The following RIMS2 variants were observed in gnomAD, a reference collection of about 807,000 sequenced individuals.
RIMS2 encodes regulating synaptic membrane exocytosis protein 2.
Under a neutral mutation model 174.4 loss-of-function variants are expected in RIMS2, and 59 were observed. The ratio of observed to expected loss-of-function variants is 0.34; its 90% confidence interval spans 0.27 to 0.42. The LOEUF (loss-of-function observed/expected upper bound fraction) is 0.42, where lower values mean the gene tolerates loss of function less well. Among genes scored for constraint, RIMS2 ranks in the 10% least tolerant of loss-of-function variants. RIMS2 has a pLI of 1.00. For synonymous variants in RIMS2, 606 were observed against 572.5 expected, an observed-to-expected ratio of 1.06 and a Z score of -0.84; for missense variants, 1,620 against 1,666.3, an observed-to-expected ratio of 0.97 and a Z score of 0.48.
rs191463841 is a variant in RIMS2 at position 103,619,557 on chromosome 8, A to G, written c.177-77529A>G. Among the ~76,000 whole-genome samples the G allele has an allele frequency of 2.6e-3, 400 of 152,274 alleles. 3 individuals are homozygous for G. The highest frequency in any genetic ancestry group is 8.4e-3 in the African/African-American group (350 of 41,574). On this transcript the variant is annotated intron_variant, in intron 1 of 23. Transcript: ENST00000504942. ...TAAGCAGCAGAAAAAAATCTTCTGC[A>G]TTCAAGGTTGGTAAACAGTGGGGAA...
intron 1 of RIMS2, among the ~76,000 whole-genome samples, chr8:103,530,322 T>C (rs1434802029): frequency 6.6e-6 from 1 of 151,998 alleles, no homozygotes; most frequent in Non-Finnish European, 1.5e-5. Flanking sequence ...TTTAATTAAT[T>C]AAAAAAGACA....
At chr8:103,962,062 T>G (rs1225495058) in intron 15 of RIMS2, among the ~76,000 whole-genome samples, 1 of 152,146 alleles carries the variant, frequency 6.6e-6, no homozygotes, top group Admixed American at 6.5e-5. Flanking sequence ...TTAATTTTTT[T>G]TTCTATTTGT....
intron 19 of RIMS2, among the ~76,000 whole-genome samples, chr8:104,039,566 C>A (rs1308373874): frequency 6.6e-6 from 1 of 151,664 alleles, no homozygotes; most frequent in East Asian, 1.9e-4. Context: ...ACAATAAGAT[C>A]TTTTCTTAGA....
At chr8:103,597,830 C>A (rs1369528388) in intron 1 of RIMS2, among the ~76,000 whole-genome samples, 2 of 151,472 alleles carry the variant, frequency 1.3e-5, no homozygotes, top group Non-Finnish European at 2.9e-5. Context: ...TTTTTTAAAC[C>A]GTGGGTCATG....
chr8:104,032,987 TGTA>T (rs1303789283), intron 19 of RIMS2, among the ~76,000 whole-genome samples: 2 of 151,916 alleles, frequency 1.3e-5, no homozygotes, highest in Non-Finnish European at 2.9e-5. Flanking sequence ...CTATTACAAT[TGTA>T]GTAAGTGCTA....
At chr8:104,090,404 C>A (rs1276586257) in intron 19 of RIMS2, among the ~76,000 whole-genome samples, 1 of 151,590 alleles carries the variant, frequency 6.6e-6, no homozygotes, top group African/African-American at 2.4e-5. Flanking sequence ...TCATGACAGA[C>A]CTAAAAAGAC....
intron 19 of RIMS2, among the ~76,000 whole-genome samples, chr8:104,042,326 G>A (rs910295158): frequency 2.0e-5 from 3 of 151,508 alleles, no homozygotes; most frequent in African/African-American, 4.8e-5. Flanking sequence ...GGCAGAGACC[G>A]ATTTATGAAG....
chr8:103,540,376 T>C (rs1841983188), intron 1 of RIMS2, among the ~76,000 whole-genome samples: 1 of 152,224 alleles, frequency 6.6e-6, no homozygotes, highest in Admixed American at 6.5e-5. Flanking sequence ...TGTTGGCCGC[T>C]GAGGATCCTT....
At chr8:103,510,086 A>C (rs1022563073) in intron 1 of RIMS2, among the ~76,000 whole-genome samples, 1 of 152,170 alleles carries the variant, frequency 6.6e-6, no homozygotes, top group Non-Finnish European at 1.5e-5. Flanking sequence ...TTTTTCTTCC[A>C]ATCAAGCTTA....
At chr8:103,873,229 TA>T (rs2099120957) in intron 3 of RIMS2, among the ~76,000 whole-genome samples, 3 of 152,110 alleles carry the variant, frequency 2.0e-5, no homozygotes, top group Admixed American at 2.0e-4. Context: ...GAAGTGAGCA[TA>T]AGTAGCAATT....
intron 19 of RIMS2, among the ~76,000 whole-genome samples, chr8:104,070,992 C>A (rs999703306): frequency 6.6e-6 from 1 of 152,044 alleles, no homozygotes; most frequent in Admixed American, 6.6e-5. Context: ...TATGTCAACA[C>A]TGAGCTTCTT....
At chr8:103,912,650 C>T (rs2075898676) in intron 6 of RIMS2, among the ~76,000 whole-genome samples, 1 of 151,836 alleles carries the variant, frequency 6.6e-6, no homozygotes, top group African/African-American at 2.4e-5. Context: ...CATATGTGCA[C>T]TTAAGAGAGA....
intron 19 of RIMS2, among the ~76,000 whole-genome samples, chr8:104,227,369 C>A (rs1385963874): frequency 2.0e-5 from 3 of 151,506 alleles, no homozygotes; most frequent in East Asian, 3.9e-4. Context: ...TCACTGAACC[C>A]TTTGAGATAA....
intron 2 of RIMS2, among the ~76,000 whole-genome samples, chr8:103,704,133 C>A (rs569742860): frequency 6.7e-6 from 1 of 149,026 alleles, no homozygotes; most frequent in East Asian, 2.0e-4. Context: ...TCAAATATGG[C>A]CTTTTTTATT....
At chr8:103,781,178 G>C (rs1279705495) in intron 3 of RIMS2, among the ~76,000 whole-genome samples, 1 of 152,194 alleles carries the variant, frequency 6.6e-6, no homozygotes, top group African/African-American at 2.4e-5. Flanking sequence ...TTCCAGGACT[G>C]AGATCCAGTG....
chr8:103,538,285 T>C (rs1245536939), intron 1 of RIMS2, among the ~76,000 whole-genome samples: 1 of 152,222 alleles, frequency 6.6e-6, no homozygotes, highest in Non-Finnish European at 1.5e-5. Context: ...TCTGGAATTA[T>C]TGCAATTATA....
chr8:103,553,928 C>G (rs10095886), intron 1 of RIMS2, among the ~76,000 whole-genome samples: 27,848 of 146,004 alleles, frequency 0.19, 2,803 homozygotes, highest in African/African-American at 0.27. Flanking sequence ...CTTCGACAAA[C>G]TCAACAAAGT....
At chr8:103,907,441 ATCAT>A (rs2074670134) in intron 4 of RIMS2, among the ~76,000 whole-genome samples, 3 of 152,200 alleles carry the variant, frequency 2.0e-5, no homozygotes, top group African/African-American at 7.2e-5. Flanking sequence ...ATAAGTAAAA[ATCAT>A]TCAGTATAGT....
intron 19 of RIMS2, among the ~76,000 whole-genome samples, chr8:104,035,279 A>G (rs1162591876): frequency 2.0e-5 from 3 of 152,046 alleles, no homozygotes; most frequent in Non-Finnish European, 2.9e-5. Context: ...AGTGAAGGCA[A>G]CTAAACCCTT....
Sources: gnomAD v4.1 joint callset for allele counts (sites outside exome capture counted in the v4.1 genomes callset) on GRCh38, gnomAD v4.1.1 for gene constraint, MANE v1.5 for transcripts, NCBI Gene and HGNC (gene_info 2026-07-23, HGNC 2026-07-21) for gene names.